AFF2: variants seen among roughly 807,000 people sequenced by gnomAD.
AFF2 encodes AF4/FMR2 family member 2.
AFF2 carries 14 observed loss-of-function variants against 76.9 expected under a neutral mutation model. The ratio of observed to expected loss-of-function variants is 0.18; its 90% CI spans 0.12 to 0.28. The LOEUF (loss-of-function observed/expected upper bound fraction) is 0.28. Ranked by LOEUF, AFF2 falls within the 10% of genes least tolerant of loss-of-function variation. The pLI is 1.00. For synonymous variants in AFF2, 398 were observed against 366.7 expected, an observed-to-expected ratio of 1.09 and a Z score of -0.98; for missense variants, 868 against 1,001.1, an observed-to-expected ratio of 0.87 and a Z score of 1.79.
intron 15 of AFF2, 41 bp from the exon 16 acceptor site, chrX:148,973,430 A>C (rs1353525032): frequency 1.7e-6 from 2 of 1,202,140 alleles, no homozygotes; most frequent in Non-Finnish European, 2.2e-6. Context: ...TGAAGGAGAA[A>C]ACAGAGAGTA....
At chrX:148,694,961 G>A (rs59425957) in intron 3 of AFF2, among the ~76,000 whole-genome samples, 14,978 of 107,848 alleles carry the variant, frequency 0.14, 1,244 homozygotes, top group East Asian at 0.58. Context: ...GATTACAGGC[G>A]CCCGCCACCA....
chrX:148,746,937 G>A (rs1557266114), intron 3 of AFF2, among the ~76,000 whole-genome samples: 2 of 112,696 alleles, frequency 1.8e-5, no homozygotes, highest in African/African-American at 6.4e-5. Context: ...AATTCAGCAT[G>A]TGTAGTCATT....
At chrX:148,911,079 A>G (rs928763944) in intron 9 of AFF2, among the ~76,000 whole-genome samples, 38 of 109,139 alleles carry the variant, frequency 3.5e-4, no homozygotes, top group Non-Finnish European at 6.9e-4. Context: ...CATAAATTAT[A>G]TATATATATA....
rs782212412 is a variant in AFF2, at chrX:148,648,498, G to A, written c.48-3501G>A. On this transcript the variant is annotated intron_variant, in intron 1 of 20. Coordinates refer to ENST00000370460, the MANE Select transcript of AFF2 (RefSeq NM_002025.4). The stretch of plus-strand genomic sequence containing the variant: ...AATCGCTTGAACCTGGGAGGTGGAT[G>A]TTGCAGTGAGCTGAGATTGCGCCAT... Among the ~76,000 whole-genome samples, 7 of 98,228 alleles carry A rather than the reference G, an allele frequency of 7.1e-5. No homozygotes were observed. In the East Asian group the frequency reaches 1.7e-3, roughly 24 times the overall value. The allele number at this position is 98,228 out of a possible 115,157, so 85.3% of individuals were successfully genotyped here.
At position 148,875,701 on chromosome X, in the gene AFF2, C is replaced by T. The variant is rs900191878; in HGVS notation, c.1263-10188C>T. On this transcript the variant is annotated intron_variant, in intron 7 of 20. Transcript: ENST00000370460. ...CCTTATGCAAAAAGGGAGTATCCTT[C>T]TCTACTTAGCTGTTAAAGAGTTTGG... Among the ~76,000 whole-genome samples the T allele has an allele frequency of 2.7e-5, 3 of 111,374 alleles. No individual in the cohort carries two copies. The Admixed American group carries it at 2.9e-4, about 11-fold the overall frequency.
chrX:148,850,814 C>T (rs1408399360), intron 7 of AFF2, among the ~76,000 whole-genome samples: 2 of 111,793 alleles, frequency 1.8e-5, no homozygotes, highest in Non-Finnish European at 3.8e-5. Flanking sequence ...AGTCCTCCAC[C>T]TAGGGAGTGG....
chrX:148,576,528 C>G (rs1176514126), intron 1 of AFF2, among the ~76,000 whole-genome samples: 1 of 111,507 alleles, frequency 9.0e-6, no homozygotes, highest in Non-Finnish European at 1.9e-5. Context: ...TGTTTAACAG[C>G]TATTTCCTTT....
intron 1 of AFF2, among the ~76,000 whole-genome samples, chrX:148,586,248 A>G (rs1032066944): frequency 1.8e-5 from 2 of 111,650 alleles, no homozygotes; most frequent in African/African-American, 3.3e-5. Flanking sequence ...ATACTTGGAA[A>G]AACTTCTTTA....
rs185014385 is a variant in AFF2 at position 148,778,407 on chromosome X, G to A, written c.1042-31469G>A. Reference sequence around the variant, plus strand: ...GGAGTCCTTTTTTTTCTGTTGTTTGGAATGATTTCAGAAGGAATGGTACCA... The same window carrying A: ...GGAGTCCTTTTTTTTCTGTTGTTTGAAATGATTTCAGAAGGAATGGTACCA... On this transcript the variant is annotated intron_variant, in intron 3 of 20. Coordinates refer to ENST00000370460, the MANE Select transcript of AFF2 (RefSeq NM_002025.4). 5.8e-3 allele frequency among the ~76,000 whole-genome samples: 647 copies of A among 111,371 alleles called. 4 individuals carry two copies. The highest frequency in any genetic ancestry group is 9.1e-3 in the Admixed American group (96 of 10,507).
chrX:148,612,467 T>C (rs782807209), intron 1 of AFF2, among the ~76,000 whole-genome samples: 2 of 112,495 alleles, frequency 1.8e-5, no homozygotes, highest in African/African-American at 6.5e-5. Flanking sequence ...GATACTGCTG[T>C]TGCTGCTGCC....
intron 3 of AFF2, among the ~76,000 whole-genome samples, chrX:148,715,973 T>C (rs781907372): frequency 1.2e-4 from 14 of 112,090 alleles, no homozygotes; most frequent in Admixed American, 3.8e-4. Flanking sequence ...AAAACTGCTA[T>C]GAATTTGATG....
At chrX:148,672,913 A>G (rs1328534730) in intron 3 of AFF2, among the ~76,000 whole-genome samples, 1 of 111,833 alleles carries the variant, frequency 8.9e-6, no homozygotes, top group Non-Finnish European at 1.9e-5. Context: ...CCTTAGATGT[A>G]AATGAGAGGT....
chrX:148,774,502 C>T (rs1447929767), intron 3 of AFF2, among the ~76,000 whole-genome samples: 2 of 111,396 alleles, frequency 1.8e-5, no homozygotes, highest in Admixed American at 9.6e-5. Flanking sequence ...TTTCCCTCTT[C>T]CTTTCCACTC....
chrX:148,890,000 G>C (rs1557279568), intron 8 of AFF2, among the ~76,000 whole-genome samples: 1 of 111,592 alleles, frequency 9.0e-6, no homozygotes, highest in Non-Finnish European at 1.9e-5. Flanking sequence ...GATCTAAAAA[G>C]CTTCACATTC....
intron 19 of AFF2, among the ~76,000 whole-genome samples, chrX:148,985,094 C>T (rs1557291302): frequency 9.1e-6 from 1 of 109,425 alleles, no homozygotes; most frequent in Non-Finnish European, 1.9e-5. Context: ...AAGTGATTCT[C>T]CTGCTTCAGC....
At chrX:148,670,798 A>C (rs1361816049) in intron 3 of AFF2, among the ~76,000 whole-genome samples, 1 of 111,835 alleles carries the variant, frequency 8.9e-6, no homozygotes, top group African/African-American at 3.3e-5. Flanking sequence ...TGCTTCCCCA[A>C]GGATTTTTCT....
intron 7 of AFF2, among the ~76,000 whole-genome samples, chrX:148,861,133 T>C (rs1293724988): frequency 2.7e-5 from 3 of 111,669 alleles, no homozygotes; most frequent in African/African-American, 9.7e-5. Context: ...TTTTGAGAAA[T>C]TGAGTATACT....
intron 3 of AFF2, among the ~76,000 whole-genome samples, chrX:148,702,813 CT>C (rs1557261986): frequency 8.9e-6 from 1 of 112,311 alleles, no homozygotes; most frequent in African/African-American, 3.2e-5. Flanking sequence ...TGCATCAAAG[CT>C]TTGGATTGTT....
intron 1 of AFF2, among the ~76,000 whole-genome samples, chrX:148,607,472 C>A (rs2053683532): frequency 1.8e-5 from 2 of 111,624 alleles, no homozygotes; most frequent in Admixed American, 1.9e-4. Flanking sequence ...TTGCCTGCCA[C>A]CATGTAAGAT....
Sources: gnomAD v4.1 joint callset for allele counts (sites outside exome capture counted in the v4.1 genomes callset) on GRCh38, gnomAD v4.1.1 for gene constraint, MANE v1.5 for transcripts, NCBI Gene and HGNC (gene_info 2026-07-23, HGNC 2026-07-21) for gene names.